TCIRG1: variants seen among roughly 807,000 people sequenced by gnomAD.
The protein encoded by TCIRG1 is V-type proton ATPase 116 kDa subunit a 3.
TCIRG1 carries 86 observed loss-of-function variants against 95.5 expected under a neutral mutation model. The ratio of observed to expected loss-of-function variants is 0.90; its 90% CI spans 0.76 to 1.08. The LOEUF (loss-of-function observed/expected upper bound fraction) is 1.08. Ranked by LOEUF, TCIRG1 falls within the 50% of genes least tolerant of loss-of-function variation. The pLI, the probability that TCIRG1 is intolerant of heterozygous loss-of-function variation, is 0.00. For synonymous variants in TCIRG1, 499 were observed against 501.3 expected (o/e 1.00, Z 0.06); for missense variants, 1,069 against 1,140.2 (o/e 0.94, Z 0.90).
chr11:68,048,832 A>T (rs1420485875), intron 13 of TCIRG1, 47 bp from the exon 14 acceptor site: 1 of 1,364,340 alleles, frequency 7.3e-7, no homozygotes, highest in Non-Finnish European at 1.0e-6. Context: ...CCTGGCAGTG[A>T]TGGCGAGGGA....
chr11:68,050,096 C>T (rs536337141), intron 17 of TCIRG1, 30 bp downstream of exon 17: 37 of 1,612,008 alleles, frequency 2.3e-5, no homozygotes, highest in Middle Eastern at 1.7e-4. Flanking sequence ...GGGGGTGGGA[C>T]GGCTGAGGCC....
At chr11:68,044,383 C>T (rs1316843357) in intron 9 of TCIRG1, 39 bp downstream of exon 9, 4 of 1,499,382 alleles carry the variant, frequency 2.7e-6, no homozygotes, top group South Asian at 2.4e-5. Context: ...CCGCCCGCCC[C>T]TCCTACCAGG....
intron 16 of TCIRG1, 36 bp downstream of exon 16, chr11:68,049,824 C>T (rs974823660): frequency 6.4e-6 from 10 of 1,557,574 alleles, no homozygotes; most frequent in Admixed American, 1.9e-5. Flanking sequence ...GGGCTGCTTG[C>T]GGGGAGAGGC....
In TCIRG1 at chr11:68,044,364, GC is replaced by G; in HGVS notation, c.1020+25del. ...AGCTCGGTGAGCAGCCTGAGGCCTCGCCCCCTCTCCGCCCGCCCCTCCTACC... is the reference window on the plus strand; with the variant it reads ...AGCTCGGTGAGCAGCCTGAGGCCTCGCCCCTCTCCGCCCGCCCCTCCTACC... On this transcript the variant is annotated intron_variant, in intron 9 of 19. Transcript: ENST00000265686. 6.5e-7 allele frequency: 1 copy of G among 1,533,696 alleles called. No homozygotes were observed. Among genetic ancestry groups the G allele is most frequent in the South Asian group, 1.2e-5 (1 of 84,210 alleles).
rs774299476 is a variant in TCIRG1, at chr11:68,049,315, G to A, written c.1887+21G>A. Reference sequence around the variant, plus strand: ...GGCAGGTGGGCTGCGGCTGGTGGGGGCCGGGCTCACACGGCCTCATGGGGA... The same window carrying A: ...GGCAGGTGGGCTGCGGCTGGTGGGGACCGGGCTCACACGGCCTCATGGGGA... On this transcript the variant is annotated intron_variant, in intron 15 of 19. Coordinates refer to ENST00000265686, the MANE Select transcript of TCIRG1 (RefSeq NM_006019.4). 3 of 1,598,682 alleles carry A rather than the reference G, an allele frequency of 1.9e-6. No individual in the cohort carries two copies. In the South Asian group the frequency reaches 3.3e-5, roughly 18 times the overall value.
At position 68,050,164 on chromosome 11, in the gene TCIRG1, C is replaced by T; in HGVS notation, c.2146C>T (p.Gln716Ter). ...CGTCCCCTCCGAGGTGCTCATGCAC[C>T]AGGCCATCCACACCATCGAGTTCTG... is the stretch of plus-strand genomic sequence containing the variant. ...ELVPSEVLMHQAIHTIEFCLG... is the reference protein window; with the variant it reads ...ELVPSEVLMH The change falls in exon 18 of 20, where the codon CAG becomes TAG. Residue 716 changes from glutamine to a stop codon, truncating the protein, a stop_gained. Coordinates refer to ENST00000265686, the MANE Select transcript of TCIRG1 (RefSeq NM_006019.4). LOFTEE classifies it high-confidence loss of function. 1.2e-6 allele frequency: 2 copies of T among 1,613,546 alleles called. No individual in the cohort carries two copies. Among genetic ancestry groups the T allele is most frequent in the Non-Finnish European group, 1.7e-6 (2 of 1,179,920 alleles).
At chr11:68,052,547 C>G (rs1489336523), downstream of TCIRG1, 2 of 152,392 alleles carry the variant, frequency 1.3e-5, no homozygotes, top group Non-Finnish European at 2.9e-5. Flanking sequence ...GAAGGCTGAA[C>G]AGCAAAAGCC....
In TCIRG1 at chr11:68,045,341, A is replaced by G. The variant is rs185501237; in HGVS notation, c.1165+239A>G. On this transcript the variant is annotated intron_variant, in intron 10 of 19. Transcript: ENST00000265686. Reference sequence around the variant, plus strand: ...CAAGGGAGCCGGCACGGGCTTGTGCAAAGAACAGAGGCTGTGCGGTGGGCA... The same window carrying G: ...CAAGGGAGCCGGCACGGGCTTGTGCGAAGAACAGAGGCTGTGCGGTGGGCA... 6.1e-3 allele frequency among the ~76,000 whole-genome samples: 934 copies of G among 152,342 alleles called. 9 individuals are homozygous for G. Among genetic ancestry groups the G allele is most frequent in the African/African-American group, 0.021 (872 of 41,580 alleles).
At chr11:68,047,257 C>G (rs1287363634) in intron 10 of TCIRG1, among the ~76,000 whole-genome samples, 176 bp from the exon 11 acceptor site, 1 of 96,438 alleles carries the variant, frequency 1.0e-5, no homozygotes, top group Non-Finnish European at 2.4e-5. Context: ...GTGATGCCCC[C>G]CCCCCCCCCC....
chr11:68,047,257 C>T (rs1287363634), intron 10 of TCIRG1, among the ~76,000 whole-genome samples, 176 bp from the exon 11 acceptor site: 1 of 96,372 alleles, frequency 1.0e-5, no homozygotes, highest in Non-Finnish European at 2.4e-5. Context: ...GTGATGCCCC[C>T]CCCCCCCCCC....
At chr11:68,044,456 TCCTTCTCCTC>T in intron 9 of TCIRG1, 112 bp downstream of exon 9, 1 of 856,996 alleles carries the variant, frequency 1.2e-6, no homozygotes, top group Non-Finnish European at 1.9e-6. Context: ...GCCTAGGGGC[TCCTTCTCCTC>T]CCAGCCTCCT....
chr11:68,047,664 C>T lies in TCIRG1; in HGVS notation c.1323C>T (p.Phe441=), dbSNP rs1231096535. 3 of 1,613,410 alleles carry T rather than the reference C, an allele frequency of 1.9e-6. No homozygotes were observed. Among genetic ancestry groups the T allele is most frequent in the African/African-American group, 1.3e-5 (1 of 74,940 alleles). The change falls in exon 12 of 20, where the codon TTC becomes TTT. Residue 441 remains phenylalanine, a synonymous_variant. Transcript: ENST00000265686. ...CCCCCCAGATCTGGCAGACTTTCTT[C>T]AGGGGCCGCTACCTGCTCCTGCTTA... The part of the protein sequence containing the change: ...AAQNEIWQTF[F]RGRYLLLLMG...
At chr11:68,051,469 C>T (rs1211918829), downstream of TCIRG1, among the ~76,000 whole-genome samples, 1 of 152,228 alleles carries the variant, frequency 6.6e-6, no homozygotes, top group Non-Finnish European at 1.5e-5. Context: ...GCGTTGCTGG[C>T]AGAATGGGGG....
chr11:68,045,179 G>A, intron 10 of TCIRG1, 77 bp downstream of exon 10: 1 of 1,569,652 alleles, frequency 6.4e-7, no homozygotes, highest in Non-Finnish European at 8.7e-7. Flanking sequence ...CTGAGGGGGA[G>A]GTATCTCCAT....
rs1855414041 is a variant in TCIRG1, at chr11:68,045,108, A to G, written c.1165+6A>G. 7 of 1,600,090 alleles carry G rather than the reference A, an allele frequency of 4.4e-6. No homozygotes were observed. In the East Asian group the frequency reaches 1.6e-4, roughly 36 times the overall value. ...CTACCAGGAGGTCAACCCCGGTGAG[A>G]GCCACGGCATCCTTACCCGTGTCCT... On this transcript the variant is annotated splice_donor_region_variant and intron_variant, in intron 10 of 19. Transcript: ENST00000265686.
At position 68,050,494 on chromosome 11, in the gene TCIRG1, C is replaced by T. The variant is rs759227930; in HGVS notation, c.2244C>T (p.Ser748=). Reference sequence around the variant, plus strand: ...TGTCTCCTTTGCTTGCAGAGCTGTCCGAGGTTCTGTGGGCCATGGTGATGC... The same window carrying T: ...TGTCTCCTTTGCTTGCAGAGCTGTCTGAGGTTCTGTGGGCCATGGTGATGC... ...WALSLAHAQL[S]EVLWAMVMRI... The change falls in exon 19 of 20, where the codon TCC becomes TCT. Residue 748 remains serine, a synonymous_variant. Coordinates refer to ENST00000265686, the MANE Select transcript of TCIRG1 (RefSeq NM_006019.4). The T allele has an allele frequency of 1.4e-5, 22 of 1,613,152 alleles. No homozygotes were observed. Among genetic ancestry groups the T allele is most frequent in the South Asian group, 5.5e-5 (5 of 91,062 alleles).
intron 15 of TCIRG1, 58 bp downstream of exon 15, chr11:68,049,352 C>A: frequency 6.6e-7 from 1 of 1,513,682 alleles, no homozygotes; most frequent in Non-Finnish European, 8.9e-7. Context: ...CCCGCGGTCA[C>A]AGGGCCACTG....
rs774578979 is a variant in TCIRG1 at position 68,047,728 on chromosome 11, G to C, written c.1387G>C (p.Glu463Gln). ...CATCTACACCGGCTTCATCTACAAC[G>C]AGTGCTTCAGTCGCGCCACCAGCAT... is the stretch of plus-strand genomic sequence containing the variant. ...FSIYTGFIYN[E>Q]CFSRATSIFP... The change falls in exon 12 of 20, where the codon GAG (glutamate) becomes CAG (glutamine). Residue 463 changes from glutamate to glutamine, a missense_variant. Physicochemically the swap from Glu to Gln is conservative, Grantham distance 29. Transcript: ENST00000265686. 6.2e-7 allele frequency: 1 copy of C among 1,613,266 alleles called. No individual in the cohort carries two copies. The highest frequency in any genetic ancestry group is 8.5e-7 in the Non-Finnish European group (1 of 1,180,002).
chr11:68,043,502 G>A lies in TCIRG1; in HGVS notation c.630+5G>A, dbSNP rs1384634155. 1.9e-6 allele frequency: 3 copies of A among 1,574,576 alleles called. No individual in the cohort carries two copies. The highest frequency in any genetic ancestry group is 2.6e-6 in the Non-Finnish European group (3 of 1,160,356). On this transcript the variant is annotated splice_donor_5th_base_variant and intron_variant, in intron 6 of 19. Transcript: ENST00000265686. ...CCGCTGGAGCACCCCGTGACGGTGAGCAGCTGGCGCTGGGCTGGGGGGTCC... is the reference window on the plus strand; with the variant it reads ...CCGCTGGAGCACCCCGTGACGGTGAACAGCTGGCGCTGGGCTGGGGGGTCC...
Sources: gnomAD v4.1 joint callset for allele counts (sites outside exome capture counted in the v4.1 genomes callset) on GRCh38, gnomAD v4.1.1 for gene constraint, MANE v1.5 for transcripts, NCBI Gene and HGNC (gene_info 2026-07-23, HGNC 2026-07-21) for gene names.